Variants in PAM observed in about 807,000 individuals in gnomAD.
The protein encoded by PAM is peptidylglycine alpha-amidating monooxygenase.
Under a neutral mutation model 122.1 loss-of-function variants are expected in PAM, and 72 were observed. The observed-to-expected ratio is 0.59, with a 90% confidence interval of 0.49 to 0.72. PAM has a LOEUF of 0.72. PAM is among the 30% of genes least tolerant of loss of function. PAM has a pLI of 0.00. For missense variants in PAM, 1,106 were observed against 1,183.7 expected (o/e 0.93, Z 0.96); for synonymous variants, 389 against 404.4 (o/e 0.96, Z 0.46).
chr5:102,942,858 A>G (rs561021676), intron 7 of PAM, among the ~76,000 whole-genome samples: 6 of 151,860 alleles, frequency 4.0e-5, no homozygotes, highest in Non-Finnish European at 8.8e-5. Flanking sequence ...GGCATGAGCC[A>G]TTATGCCCAG....
At chr5:102,995,292 T>C (rs561253727) in intron 16 of PAM, among the ~76,000 whole-genome samples, 4 of 152,266 alleles carry the variant, frequency 2.6e-5, no homozygotes, top group African/African-American at 4.8e-5. Flanking sequence ...CTTTCTCATA[T>C]CGCAATTTCA....
rs767411684 is a variant in PAM, at chr5:102,948,420, C to T, written c.618C>T (p.Asp206=). 1.9e-6 allele frequency: 3 copies of T among 1,581,010 alleles called. No homozygotes were observed. The highest frequency in any genetic ancestry group is 2.2e-5 in the East Asian group (1 of 44,664). ...GCATGTACCTTATGATGTCTGTTGA[C>T]ACTGTTATCCCAGCAGGAGAAAAAG... ...IAGMYLMMSV[D]TVIPAGEKVV... The change falls in exon 9 of 26, where the codon GAC becomes GAT. Residue 206 remains aspartate, a synonymous_variant. Transcript: ENST00000438793.
chr5:102,835,890 G>A (rs1316139729), intron 1 of PAM, among the ~76,000 whole-genome samples: 1 of 152,112 alleles, frequency 6.6e-6, no homozygotes, highest in Non-Finnish European at 1.5e-5. Context: ...AGTTGAGAAA[G>A]CAGGATGTGG....
intron 1 of PAM, among the ~76,000 whole-genome samples, chr5:102,798,128 A>G (rs1763832761): frequency 6.6e-6 from 1 of 152,168 alleles, no homozygotes; most frequent in Non-Finnish European, 1.5e-5. Flanking sequence ...TTATAGAACC[A>G]TAGTCTTTGT....
intron 7 of PAM, among the ~76,000 whole-genome samples, chr5:102,932,379 T>C (rs1250250374): frequency 6.6e-6 from 1 of 151,838 alleles, no homozygotes; most frequent in East Asian, 1.9e-4. Flanking sequence ...TCCCAGCTAC[T>C]AGAGAGACTG....
chr5:102,769,844 T>A (rs182568939), intron 1 of PAM, among the ~76,000 whole-genome samples: 93 of 152,286 alleles, frequency 6.1e-4, no homozygotes, highest in African/African-American at 2.0e-3. Flanking sequence ...GGGTCTTTTG[T>A]GAATACATAT....
At chr5:103,013,393 G>A (rs906169602) in intron 21 of PAM, among the ~76,000 whole-genome samples, 2 of 152,024 alleles carry the variant, frequency 1.3e-5, no homozygotes, top group Non-Finnish European at 2.9e-5. Context: ...AAATGCTACT[G>A]ATATTTTATG....
intron 1 of PAM, among the ~76,000 whole-genome samples, chr5:102,785,753 A>G (rs985219629): frequency 6.6e-6 from 1 of 152,198 alleles, no homozygotes; most frequent in African/African-American, 2.4e-5. Flanking sequence ...GGTGTCTTCA[A>G]GCATCTAGTA....
chr5:102,934,545 C>G (rs1400068465), intron 7 of PAM, among the ~76,000 whole-genome samples: 3 of 152,144 alleles, frequency 2.0e-5, no homozygotes, highest in Non-Finnish European at 2.9e-5. Context: ...CATCTACCAA[C>G]TCTCCTTTTT....
chr5:102,842,205 A>AATATATATAT lies in PAM; in HGVS notation c.-373-23605_-373-23596dup, dbSNP rs71226933. On this transcript the variant is annotated intron_variant, in intron 1 of 25. Coordinates refer to ENST00000438793, the MANE Select transcript of PAM (RefSeq NM_001177306.2). Reference sequence around the variant, plus strand: ...TTTAACTTTACAAAAATACAACCTAAATATATATATATATATATATATCTC... The same window carrying AATATATATAT: ...TTTAACTTTACAAAAATACAACCTAAATATATATATATATATATATATATATATATATCTC... Among the ~76,000 whole-genome samples, 95 of 143,048 alleles carry AATATATATAT rather than the reference A, an allele frequency of 6.6e-4. 1 individual carries two copies. Among genetic ancestry groups the AATATATATAT allele is most frequent in the African/African-American group, 2.3e-3 (87 of 38,340 alleles). 93.8% of individuals were successfully genotyped at this position (143,048 alleles called of 152,430 possible).
intron 1 of PAM, among the ~76,000 whole-genome samples, chr5:102,812,567 G>A (rs1359778872): frequency 6.6e-6 from 1 of 151,928 alleles, no homozygotes; most frequent in East Asian, 1.9e-4. Flanking sequence ...TAGTACCTTA[G>A]GACCCTTGCT....
intron 4 of PAM, among the ~76,000 whole-genome samples, chr5:102,913,134 G>A (rs938102237): frequency 3.3e-5 from 5 of 151,904 alleles, no homozygotes; most frequent in African/African-American, 9.7e-5. Flanking sequence ...AAGGTGACTC[G>A]TAAACAGCTA....
At chr5:102,820,675 A>G (rs78778010) in intron 1 of PAM, among the ~76,000 whole-genome samples, 2,104 of 152,310 alleles carry the variant, frequency 0.014, 54 homozygotes, top group African/African-American at 0.048. Flanking sequence ...ATAACAACAT[A>G]AATTCTGTAT....
At chr5:102,827,666 T>G (rs1362265329) in intron 1 of PAM, among the ~76,000 whole-genome samples, 1 of 22,204 alleles carries the variant, frequency 4.5e-5, no homozygotes, top group African/African-American at 3.6e-4. Flanking sequence ...CTCACTATGA[T>G]TTTTTTTTTT....
At chr5:102,878,968 G>T (rs530201611) in intron 3 of PAM, among the ~76,000 whole-genome samples, 1 of 151,224 alleles carries the variant, frequency 6.6e-6, no homozygotes, top group South Asian at 2.1e-4. Flanking sequence ...TCGCTCTGTC[G>T]CCCAGGCTGG....
chr5:102,811,532 T>C (rs1440590078), intron 1 of PAM, among the ~76,000 whole-genome samples: 1 of 152,204 alleles, frequency 6.6e-6, no homozygotes, highest in African/African-American at 2.4e-5. Flanking sequence ...CTCTCCCCGT[T>C]TTAAGACCCT....
At chr5:102,985,638 C>T (rs1454389454) in intron 15 of PAM, among the ~76,000 whole-genome samples, 1 of 151,968 alleles carries the variant, frequency 6.6e-6, no homozygotes, top group Non-Finnish European at 1.5e-5. Flanking sequence ...AGCCCAGGAC[C>T]AGATGGTACT....
At chr5:102,784,133 TC>T (rs1269205989) in intron 1 of PAM, among the ~76,000 whole-genome samples, 3 of 152,036 alleles carry the variant, frequency 2.0e-5, no homozygotes, top group African/African-American at 7.2e-5. Context: ...GACCTTGTGA[TC>T]CGCCCGCCTC....
At chr5:102,849,159 T>C (rs963859869) in intron 1 of PAM, among the ~76,000 whole-genome samples, 13 of 152,142 alleles carry the variant, frequency 8.5e-5, no homozygotes, top group Non-Finnish European at 1.5e-5. Context: ...AGGATTGTCA[T>C]TATATAAACC....
Sources: gnomAD v4.1 joint callset for allele counts (sites outside exome capture counted in the v4.1 genomes callset) on GRCh38, gnomAD v4.1.1 for gene constraint, MANE v1.5 for transcripts, NCBI Gene and HGNC (gene_info 2026-07-23, HGNC 2026-07-21) for gene names.